The following TCF4 variants were observed in gnomAD, a reference collection of about 807,000 sequenced individuals.
The protein encoded by TCF4 is SL3-3 enhancer factor 2.
In TCF4, 3 loss-of-function variants were observed where a neutral mutation model predicts 82.1. That is an observed-to-expected ratio of 0.04 (90% confidence interval 0.02 to 0.09). TCF4 has a LOEUF of 0.09. Among genes scored for constraint, TCF4 ranks in the 10% least tolerant of loss-of-function variants. TCF4 has a pLI of 1.00. For synonymous variants in TCF4, 276 were observed against 309.6 expected (o/e 0.89, Z 1.14); for missense variants, 518 against 852.7 (o/e 0.61, Z 4.89).
chr18:55,585,656 A>T, intron 2 of TCF4: 1 of 713,014 alleles, frequency 1.4e-6, no homozygotes, highest in Non-Finnish European at 1.9e-6. Flanking sequence ...GGAGGCCAGC[A>T]GCCTCTCTAG....
In TCF4 at chr18:55,566,206, C is replaced by A. The variant is rs1277203757; in HGVS notation, c.145+19074G>T. 4.6e-5 allele frequency among the ~76,000 whole-genome samples: 7 copies of A among 152,054 alleles called. No homozygotes were observed. In the East Asian group the frequency reaches 9.7e-4, roughly 21 times the overall value. ...CCAGCCTGGGCGACAGAGCGAGATT[C>A]TGCCTCAAAAACTAAAAAATAAATA... On this transcript the variant is annotated intron_variant, in intron 3 of 19. Coordinates refer to ENST00000354452, the MANE Select transcript of TCF4 (RefSeq NM_001083962.2).
In TCF4 at chr18:55,511,330, T is replaced by TAAAAAAAAAAAAAAAAAAAAAAAAAAAAA. The variant is rs751932079; in HGVS notation, c.146-47194_146-47193insTTTTTTTTTTTTTTTTTTTTTTTTTTTTT. Among the ~76,000 whole-genome samples, 2 of 73,072 alleles carry TAAAAAAAAAAAAAAAAAAAAAAAAAAAAA rather than the reference T, an allele frequency of 2.7e-5. 1 individual carries two copies. The highest frequency in any genetic ancestry group is 7.2e-5 in the African/African-American group (2 of 27,752). 47.9% of individuals were successfully genotyped at this position (73,072 alleles called of 152,430 possible). On this transcript the variant is annotated intron_variant, in intron 3 of 19. Transcript: ENST00000354452. ...TAGGTAATAGAGTAATTCCAAAAGTTTAAAAAAAAAAAAAAAAAAAGCATT... is the reference window on the plus strand; with the variant it reads ...TAGGTAATAGAGTAATTCCAAAAGTTAAAAAAAAAAAAAAAAAAAAAAAAAAAAATAAAAAAAAAAAAAAAAAAAGCATT...
At chr18:55,456,551 T>TC (rs1393187693) in intron 5 of TCF4, among the ~76,000 whole-genome samples, 2 of 152,226 alleles carry the variant, frequency 1.3e-5, no homozygotes, top group Non-Finnish European at 2.9e-5. Context: ...AATCTAGCTT[T>TC]CAATCGATGC....
intron 3 of TCF4, among the ~76,000 whole-genome samples, chr18:55,489,222 C>T (rs1451437786): frequency 6.6e-6 from 1 of 152,154 alleles, no homozygotes; most frequent in Non-Finnish European, 1.5e-5. Flanking sequence ...GTTGAAAATA[C>T]ATATTCCTGG....
chr18:55,612,088 T>C (rs566083487), intron 2 of TCF4, among the ~76,000 whole-genome samples: 8 of 152,354 alleles, frequency 5.3e-5, no homozygotes, highest in African/African-American at 1.7e-4. Flanking sequence ...AAATTATTAA[T>C]GAGCTATTTA....
intron 6 of TCF4, among the ~76,000 whole-genome samples, chr18:55,363,799 C>T (rs912435370): frequency 2.0e-5 from 3 of 152,028 alleles, no homozygotes; most frequent in Non-Finnish European, 4.4e-5. Flanking sequence ...GAGCGACACT[C>T]TGTCTCTAAA....
At chr18:55,602,010 C>G (rs2097697558) in intron 2 of TCF4, among the ~76,000 whole-genome samples, 1 of 152,146 alleles carries the variant, frequency 6.6e-6, no homozygotes, top group Non-Finnish European at 1.5e-5. Context: ...CTTTTTCTCA[C>G]TTAACGGGAT....
At chr18:55,341,295 G>A (rs1192992384) in intron 8 of TCF4, among the ~76,000 whole-genome samples, 1 of 152,058 alleles carries the variant, frequency 6.6e-6, no homozygotes, top group Non-Finnish European at 1.5e-5. Flanking sequence ...ACCTCTCTGT[G>A]TCTCATTTTT....
upstream of TCF4, chr18:55,588,696 T>C (rs906197941): frequency 3.0e-6 from 4 of 1,320,282 alleles, no homozygotes; most frequent in Middle Eastern, 2.0e-4. Flanking sequence ...AGAGGAACAA[T>C]ATTTTTCTTT....
chr18:55,577,742 T>A (rs1016458248), intron 3 of TCF4, among the ~76,000 whole-genome samples: 2 of 152,122 alleles, frequency 1.3e-5, no homozygotes, highest in African/African-American at 4.8e-5. Context: ...AATGTTTAAA[T>A]GAATGGAAGA....
intron 3 of TCF4, among the ~76,000 whole-genome samples, chr18:55,567,334 A>G (rs596380): frequency 1.3e-5 from 2 of 152,256 alleles, no homozygotes; most frequent in African/African-American, 4.8e-5. Flanking sequence ...TTCAATATGT[A>G]TAAAGTCAAA....
intron 3 of TCF4, among the ~76,000 whole-genome samples, chr18:55,507,019 C>T (rs765360342): frequency 1.3e-5 from 2 of 151,998 alleles, no homozygotes; most frequent in Non-Finnish European, 2.9e-5. Context: ...TCCACCACCA[C>T]GTCTGGCTAA....
intron 3 of TCF4, chr18:55,550,416 C>T (rs2097250593): frequency 6.6e-6 from 1 of 152,180 alleles, no homozygotes; most frequent in South Asian, 2.1e-4. Flanking sequence ...CCTTATTTCA[C>T]TGCCAACAAT....
At chr18:55,320,807 A>T (rs2075302578) in intron 8 of TCF4, 1 of 151,826 alleles carries the variant, frequency 6.6e-6, no homozygotes, top group African/African-American at 2.4e-5. Flanking sequence ...TCACCCAACA[A>T]CTCTTCCCGA....
intron 3 of TCF4, among the ~76,000 whole-genome samples, chr18:55,498,700 C>T (rs576884342): frequency 2.1e-4 from 32 of 152,276 alleles, no homozygotes; most frequent in African/African-American, 7.7e-4. Flanking sequence ...ACCTCAGGGG[C>T]TCCGTCTACT....
intron 3 of TCF4, among the ~76,000 whole-genome samples, chr18:55,570,905 A>AAAAGACT (rs2097458618): frequency 6.6e-6 from 1 of 151,908 alleles, no homozygotes; most frequent in African/African-American, 2.4e-5. Flanking sequence ...AAAAAAAAAA[A>AAAAGACT]AAAGACTATA....
At chr18:55,310,803 T>C (rs563970140) in intron 8 of TCF4, among the ~76,000 whole-genome samples, 7 of 152,366 alleles carry the variant, frequency 4.6e-5, no homozygotes, top group African/African-American at 1.7e-4. Context: ...TTAGTTTCTT[T>C]ATGCTAATTT....
chr18:55,323,003 C>T (rs2075968157), intron 8 of TCF4, among the ~76,000 whole-genome samples: 1 of 152,204 alleles, frequency 6.6e-6, no homozygotes, highest in Non-Finnish European at 1.5e-5. Flanking sequence ...AACCTTTGTT[C>T]ACCTTTATTG....
At position 55,471,975 on chromosome 18, in the gene TCF4, T is replaced by C. The variant is rs569379550; in HGVS notation, c.146-7838A>G. Reference sequence around the variant, plus strand: ...GGGTAGATATGCTGGTGAGAAAGTATAGTAGGAAAAAAGTGTTCGCAGACA... The same window carrying C: ...GGGTAGATATGCTGGTGAGAAAGTACAGTAGGAAAAAAGTGTTCGCAGACA... On this transcript the variant is annotated intron_variant, in intron 3 of 19. Transcript: ENST00000354452. Among the ~76,000 whole-genome samples the C allele has an allele frequency of 2.6e-5, 4 of 152,298 alleles. No individual in the cohort carries two copies. In the South Asian group the frequency reaches 8.3e-4, roughly 32 times the overall value.
Sources: allele counts gnomAD v4.1 joint callset (sites outside exome capture counted in the v4.1 genomes callset), GRCh38; gene constraint gnomAD v4.1.1; transcripts MANE v1.5; gene names NCBI Gene and HGNC (gene_info 2026-07-23, HGNC 2026-07-21).